The following FSTL4 variants were observed in gnomAD, a reference collection of about 807,000 sequenced individuals.
The protein encoded by FSTL4 is follistatin-related protein 4.
FSTL4 carries 28 observed loss-of-function variants against 78.2 expected under a neutral mutation model. The observed-to-expected ratio is 0.36, with a 90% CI of 0.27 to 0.49. The LOEUF (loss-of-function observed/expected upper bound fraction) is 0.49. Ranked by LOEUF, FSTL4 falls within the 20% of genes least tolerant of loss-of-function variation. The probability of loss-of-function intolerance (pLI) is 0.98; values close to 1 mark genes in which losing one functional copy is unlikely to be tolerated. For missense variants in FSTL4, 922 were observed against 1,084.9 expected (o/e 0.85, Z 2.11); for synonymous variants, 422 against 440.5 (o/e 0.96, Z 0.53).
chr5:133,279,534 G>A (rs907643481), intron 6 of FSTL4, among the ~76,000 whole-genome samples: 3 of 152,236 alleles, frequency 2.0e-5, no homozygotes, highest in African/African-American at 4.8e-5. Context: ...TGCAGGCTGA[G>A]TCTGGGTTGG....
rs562151719 is a variant in FSTL4 at position 133,568,494 on chromosome 5, C to A, written c.127-1275G>T. Among the ~76,000 whole-genome samples, 71 of 152,274 alleles carry A rather than the reference C, an allele frequency of 4.7e-4. No homozygotes were observed. In the South Asian group the frequency reaches 9.1e-3, roughly 20 times the overall value. On this transcript the variant is annotated intron_variant, in intron 2 of 15. Coordinates refer to ENST00000265342, the MANE Select transcript of FSTL4 (RefSeq NM_015082.2). ...AGAGGGCACTGGGAAGGTTGTCCTA[C>A]CCAAATTACATTCCCTGACTGCTAC...
Position 133,400,843 on chromosome 5 carries a change from C to G in FSTL4, c.304G>C (p.Gly102Arg). 6.2e-7 allele frequency: 1 copy of G among 1,614,036 alleles called. No homozygotes were observed. Among genetic ancestry groups the G allele is most frequent in the Non-Finnish European group, 8.5e-7 (1 of 1,180,038 alleles). The change falls in exon 4 of 16, where the codon GGC becomes CGC. Residue 102 changes from glycine (G) to arginine (R), a missense_variant. Coordinates refer to ENST00000265342, the MANE Select transcript of FSTL4 (RefSeq NM_015082.2). ...ACRPSYVPVC[G>R]SDGRFYENHC... ...TTTTCATAAAACCTCCCATCAGAGC[C>G]GCACACAGGCACGTAGCTGGGCCTG...
chr5:133,339,293 G>A (rs1387659266), intron 4 of FSTL4, among the ~76,000 whole-genome samples: 2 of 152,200 alleles, frequency 1.3e-5, no homozygotes, highest in African/African-American at 4.8e-5. Flanking sequence ...CCCTATCATG[G>A]TAGTGCAACC....
At chr5:133,699,880 C>CA in the FSTL4 span, among the ~76,000 whole-genome samples, 7,922 of 62,138 alleles carry the variant, frequency 0.13, 672 homozygotes, top group Middle Eastern at 0.17. Context: ...GACTCCATCT[C>CA]AAAAAAAAAA....
the FSTL4 span, among the ~76,000 whole-genome samples, chr5:133,732,751 TGA>T: frequency 0.057 from 8,626 of 151,258 alleles, 824 homozygotes; most frequent in African/African-American, 0.2. Flanking sequence ...AGCAGTGAAT[TGA>T]GAGCCCAGGC....
chr5:133,832,101 T>G, the FSTL4 span, among the ~76,000 whole-genome samples: 2 of 152,192 alleles, frequency 1.3e-5, no homozygotes, highest in Admixed American at 1.3e-4. Flanking sequence ...CGGACTTAAC[T>G]GGGGCTTGTC....
At chr5:133,376,264 G>A (rs1438640741) in intron 4 of FSTL4, among the ~76,000 whole-genome samples, 4 of 152,216 alleles carry the variant, frequency 2.6e-5, no homozygotes, top group African/African-American at 2.4e-5. Context: ...ATATGCTCCT[G>A]CAGAAACAGA....
chr5:133,549,863 A>G (rs941000129), intron 3 of FSTL4, among the ~76,000 whole-genome samples: 2 of 152,192 alleles, frequency 1.3e-5, no homozygotes, highest in African/African-American at 4.8e-5. Flanking sequence ...TAAGGCAGGC[A>G]ATTTTCTTCA....
At chr5:133,640,386 G>A in the FSTL4 span, among the ~76,000 whole-genome samples, 1 of 152,186 alleles carries the variant, frequency 6.6e-6, no homozygotes, top group Admixed American at 6.5e-5. Flanking sequence ...ACACTTTGGT[G>A]AGCTGCCCTA....
At chr5:133,595,729 A>G (rs966873249) in intron 2 of FSTL4, among the ~76,000 whole-genome samples, 6 of 152,212 alleles carry the variant, frequency 3.9e-5, no homozygotes, top group Non-Finnish European at 8.8e-5. Flanking sequence ...TGTGGAGGCA[A>G]TCTGTGCCGG....
the FSTL4 span, among the ~76,000 whole-genome samples, chr5:133,662,963 CCT>C: frequency 8.5e-6 from 1 of 117,490 alleles, no homozygotes; most frequent in Non-Finnish European, 1.7e-5. Context: ...TGAGCATTAC[CCT>C]GAGTTAAAAA....
At chr5:133,507,562 C>T (rs1278024767) in intron 3 of FSTL4, among the ~76,000 whole-genome samples, 3 of 147,172 alleles carry the variant, frequency 2.0e-5, no homozygotes, top group Admixed American at 6.9e-5. Context: ...CTCGCTCTGT[C>T]GCCAGGCTGG....
chr5:133,657,782 T>G, the FSTL4 span, among the ~76,000 whole-genome samples: 12 of 151,146 alleles, frequency 7.9e-5, no homozygotes, highest in African/African-American at 1.9e-4. Flanking sequence ...TTTGTTTTTT[T>G]TTTTTTTTAC....
the FSTL4 span, among the ~76,000 whole-genome samples, chr5:133,801,563 C>A: frequency 6.6e-6 from 1 of 152,254 alleles, no homozygotes; most frequent in South Asian, 2.1e-4. Context: ...ACAGCCTAGC[C>A]TCCTTTCTTT....
rs1278244180 is a variant in FSTL4, at chr5:133,221,915, T to G, written c.1340-1049A>C. On this transcript the variant is annotated intron_variant, in intron 11 of 15. Coordinates refer to ENST00000265342, the MANE Select transcript of FSTL4 (RefSeq NM_015082.2). ...AGTTTTTTTTTTTTTTTTTTTTTTTTTTTTTTTTTTTTAGCATGCTGAGAA... is the reference window on the plus strand; with the variant it reads ...AGTTTTTTTTTTTTTTTTTTTTTTTGTTTTTTTTTTTTAGCATGCTGAGAA... Among the ~76,000 whole-genome samples, 4 of 135,576 alleles carry G rather than the reference T, an allele frequency of 3.0e-5. No individual in the cohort carries two copies. In the East Asian group the frequency reaches 8.2e-4, roughly 28 times the overall value. The allele number at this position is 135,576 out of a possible 152,430, so 88.9% of individuals were successfully genotyped here.
the FSTL4 span, among the ~76,000 whole-genome samples, chr5:133,839,378 T>C: frequency 2.0e-5 from 3 of 152,272 alleles, no homozygotes; most frequent in Non-Finnish European, 4.4e-5. Context: ...ATAAGAATTC[T>C]GTTACAATTT....
intron 13 of FSTL4, 46 bp downstream of exon 13, chr5:133,217,183 G>A (rs745549035): frequency 6.5e-7 from 1 of 1,541,446 alleles, no homozygotes; most frequent in Non-Finnish European, 8.9e-7. Flanking sequence ...GTGGCAGGCT[G>A]TGCCCCAGAA....
intron 3 of FSTL4, among the ~76,000 whole-genome samples, chr5:133,547,443 T>C (rs961929098): frequency 6.6e-6 from 1 of 152,206 alleles, no homozygotes; most frequent in Non-Finnish European, 1.5e-5. Context: ...CATGAAATTC[T>C]GGGGGGCAGG....
intron 6 of FSTL4, among the ~76,000 whole-genome samples, chr5:133,264,506 C>G (rs570770452): frequency 6.6e-6 from 1 of 152,178 alleles, no homozygotes; most frequent in Non-Finnish European, 1.5e-5. Flanking sequence ...GGGGGGCTCA[C>G]CTGCCGTTCC....
Sources: gnomAD v4.1 joint callset for allele counts (sites outside exome capture counted in the v4.1 genomes callset) on GRCh38, gnomAD v4.1.1 for gene constraint, MANE v1.5 for transcripts, NCBI Gene and HGNC (gene_info 2026-07-23, HGNC 2026-07-21) for gene names.